Variants in SARDH observed in about 807,000 individuals in gnomAD.
SARDH encodes the protein sarcosine dehydrogenase, also known as sarcosine dehydrogenase, mitochondrial.
SARDH carries 95 observed loss-of-function variants against 109.1 expected under a neutral mutation model. The observed-to-expected ratio is 0.87, with a 90% CI of 0.74 to 1.03. The LOEUF (loss-of-function observed/expected upper bound fraction) is 1.03, where lower values mean the gene tolerates loss of function less well. Among genes scored for constraint, SARDH ranks in the 50% least tolerant of loss-of-function variants. SARDH has a pLI of 0.00. For synonymous variants in SARDH, 572 were observed against 534.8 expected (o/e 1.07, Z -0.96); for missense variants, 1,267 against 1,287.8 (o/e 0.98, Z 0.25).
At chr9:133,695,226 T>A (rs1032392644) in intron 14 of SARDH, among the ~76,000 whole-genome samples, 19 of 152,168 alleles carry the variant, frequency 1.2e-4, no homozygotes, top group African/African-American at 4.6e-4. Context: ...GAGGATCACC[T>A]GAGGTCAGGA....
intron 13 of SARDH, among the ~76,000 whole-genome samples, chr9:133,702,115 G>T (rs1189604873): frequency 2.6e-5 from 4 of 152,222 alleles, no homozygotes; most frequent in African/African-American, 9.6e-5. Flanking sequence ...GATTCGCAGT[G>T]AGGTGTCACG....
chr9:133,672,190 C>T (rs1236324848), intron 17 of SARDH, among the ~76,000 whole-genome samples: 1 of 152,214 alleles, frequency 6.6e-6, no homozygotes. Context: ...GGCTGCACCA[C>T]TGCGATTTCT....
At chr9:133,715,319 G>A (rs2427983) in intron 8 of SARDH, among the ~76,000 whole-genome samples, 44,255 of 152,086 alleles carry the variant, frequency 0.29, 7,449 homozygotes, top group Non-Finnish European at 0.37. Flanking sequence ...TAATTAAAAC[G>A]AGAGGAAGAG....
chr9:133,713,613 C>T (rs1295094025), intron 8 of SARDH, among the ~76,000 whole-genome samples: 1 of 152,242 alleles, frequency 6.6e-6, no homozygotes, highest in Non-Finnish European at 1.5e-5. Flanking sequence ...TCTGTTGAGC[C>T]AACAAAGGCT....
At chr9:133,698,684 C>T (rs1329086271) in intron 13 of SARDH, among the ~76,000 whole-genome samples, 1 of 152,164 alleles carries the variant, frequency 6.6e-6, no homozygotes, top group Non-Finnish European at 1.5e-5. Flanking sequence ...GTAGAGCAAT[C>T]TTTTCAACAA....
chr9:133,700,735 G>GCA (rs1173272067), intron 13 of SARDH, among the ~76,000 whole-genome samples: 781 of 58,012 alleles, frequency 0.013, 3 homozygotes, highest in African/African-American at 0.035. Context: ...ACACACGCAC[G>GCA]CGCACACACA....
intron 12 of SARDH, chr9:133,703,804 G>T (rs1238784273): frequency 6.6e-6 from 1 of 152,326 alleles, no homozygotes; most frequent in Admixed American, 6.5e-5. Flanking sequence ...GCCAGTGTGA[G>T]GTTGTAAGGG....
At chr9:133,687,996 C>T (rs967625877) in intron 16 of SARDH, among the ~76,000 whole-genome samples, 6 of 152,144 alleles carry the variant, frequency 3.9e-5, no homozygotes, top group African/African-American at 1.2e-4. Context: ...GCGCACCGGC[C>T]GCCCCCGGGC....
At position 133,690,630 on chromosome 9, in the gene SARDH, C is replaced by G. The variant is rs1447314534; in HGVS notation, c.1922-103G>C. The G allele has an allele frequency of 3.7e-6, 5 of 1,342,430 alleles. No individual in the cohort carries two copies. In the Admixed American group the frequency reaches 9.4e-5, roughly 25 times the overall value. The allele number at this position is 1,342,430 out of a possible 1,614,324, so 83.2% of individuals were successfully genotyped here. ...TCCCGGCTGAGAAAACAAATGCCCT[C>G]TCAGGGGCCTGTGCCTTCACAGTGC... is the stretch of plus-strand genomic sequence containing the variant. On this transcript the variant is annotated intron_variant, in intron 15 of 20. Transcript: ENST00000439388.
At chr9:133,671,299 G>A (rs1042899186) in intron 18 of SARDH, among the ~76,000 whole-genome samples, 7 of 152,066 alleles carry the variant, frequency 4.6e-5, no homozygotes, top group Admixed American at 2.0e-4. Context: ...TGTAGGTGTC[G>A]CAGATCCCAA....
In SARDH at chr9:133,727,723, C is replaced by T. The variant is rs550030197; in HGVS notation, c.915+2042G>A. On this transcript the variant is annotated intron_variant, in intron 6 of 20. Coordinates refer to ENST00000439388, the MANE Select transcript of SARDH (RefSeq NM_001134707.2). ...GGCTGATGGCCCTTTTCCTGTGCTC[C>T]GGTACCAGAGGCACGCTGGGATCTG... Among the ~76,000 whole-genome samples the T allele has an allele frequency of 5.3e-5, 8 of 152,336 alleles. No homozygotes were observed. The East Asian group carries it at 1.5e-3, about 29-fold the overall frequency.
intron 14 of SARDH, among the ~76,000 whole-genome samples, chr9:133,695,429 C>T (rs546142304): frequency 4.5e-4 from 68 of 152,218 alleles, no homozygotes; most frequent in African/African-American, 1.6e-3. Context: ...AGCGACAGAG[C>T]GAGACTCCGT....
At position 133,728,058 on chromosome 9, in the gene SARDH, G is replaced by C. The variant is rs1050231059; in HGVS notation, c.915+1707C>G. Among the ~76,000 whole-genome samples, 1 of 152,058 alleles carries C rather than the reference G, an allele frequency of 6.6e-6. No homozygotes were observed. The highest frequency in any genetic ancestry group is 1.5e-5 in the Non-Finnish European group (1 of 68,002). ...CTCTCCCCAGGGACCCGGAGCCAGGGAGGAGGCCTCAGCACTCAGCTCCGA... is the reference window on the plus strand; with the variant it reads ...CTCTCCCCAGGGACCCGGAGCCAGGCAGGAGGCCTCAGCACTCAGCTCCGA... On this transcript the variant is annotated intron_variant, in intron 6 of 20. Transcript: ENST00000439388. The surrounding 1 kb of genome is among the most constrained non-coding windows in gnomAD (Gnocchi z 5.0).
chr9:133,674,718 C>T (rs1830459692), intron 17 of SARDH, among the ~76,000 whole-genome samples: 2 of 152,218 alleles, frequency 1.3e-5, no homozygotes, highest in South Asian at 2.1e-4. Flanking sequence ...GCGTACCTTA[C>T]ATCTTGTCCA....
At chr9:133,725,489 A>G (rs951144828) in intron 6 of SARDH, 7 of 427,574 alleles carry the variant, frequency 1.6e-5, no homozygotes, top group African/African-American at 1.4e-4. Context: ...CCTTGGCAAC[A>G]TGGTGAAACT....
chr9:133,716,416 C>T lies in SARDH; in HGVS notation c.1150+910G>A, dbSNP rs192534032. Among the ~76,000 whole-genome samples the T allele has an allele frequency of 8.3e-4, 126 of 152,348 alleles. 1 individual carries two copies. The South Asian group carries it at 0.011, about 13-fold the overall frequency. ...CTCAGGGACGTCTGGCTCAAAGTCC[C>T]GTGGTTATAAACACTGGGGTGCCAA... On this transcript the variant is annotated intron_variant, in intron 8 of 20. Coordinates refer to ENST00000439388, the MANE Select transcript of SARDH (RefSeq NM_001134707.2).
At chr9:133,690,847 C>T (rs986811620) in intron 15 of SARDH, among the ~76,000 whole-genome samples, 4 of 152,164 alleles carry the variant, frequency 2.6e-5, no homozygotes, top group Non-Finnish European at 4.4e-5. Context: ...GCCAGCCTGG[C>T]CCAGATGCAG....
chr9:133,729,387 ACAGGCACCC>A (rs1205969370), intron 6 of SARDH, among the ~76,000 whole-genome samples: 1 of 152,092 alleles, frequency 6.6e-6, no homozygotes, highest in East Asian at 1.9e-4. Flanking sequence ...ACCCTCTGAG[ACAGGCACCC>A]CAGGCACACT....
At chr9:133,711,741 G>A (rs1237483715) in intron 10 of SARDH, among the ~76,000 whole-genome samples, 1 of 152,208 alleles carries the variant, frequency 6.6e-6, no homozygotes, top group African/African-American at 2.4e-5. Context: ...CAGGGAGGCT[G>A]TCCACCAGCA....
Sources: gnomAD v4.1 joint callset for allele counts (sites outside exome capture counted in the v4.1 genomes callset) on GRCh38, gnomAD v4.1.1 for gene constraint, Gnocchi (gnomAD v3.1) non-coding constraint, MANE v1.5 for transcripts, NCBI Gene and HGNC (gene_info 2026-07-23, HGNC 2026-07-21) for gene names.